Variants in INPP4B observed in about 807,000 individuals in gnomAD.
INPP4B encodes the protein inositol polyphosphate 4-phosphatase type II.
Under a neutral mutation model 122.5 loss-of-function variants are expected in INPP4B, and 55 were observed. That is an observed-to-expected ratio of 0.45 (90% CI 0.36 to 0.56). INPP4B has a LOEUF of 0.56. Ranked by LOEUF, INPP4B falls within the 20% of genes least tolerant of loss-of-function variation. INPP4B has a pLI of 0.00. For missense variants in INPP4B, 1,000 were observed against 1,097.7 expected, an observed-to-expected ratio of 0.91 and a Z score of 1.26; for synonymous variants, 403 against 388.7, an observed-to-expected ratio of 1.04 and a Z score of -0.43.
intron 1 of INPP4B, among the ~76,000 whole-genome samples, chr4:142,791,664 A>G (rs1424730805): frequency 1.3e-5 from 2 of 152,012 alleles, no homozygotes; most frequent in African/African-American, 4.8e-5. Context: ...CCTACATAAG[A>G]ATTTCCTAAT....
At chr4:142,527,266 A>C (rs1827043093) in intron 2 of INPP4B, among the ~76,000 whole-genome samples, 1 of 151,778 alleles carries the variant, frequency 6.6e-6, no homozygotes, top group Admixed American at 6.6e-5. Flanking sequence ...TAAAATATGT[A>C]TTTGTAAGTA....
chr4:142,705,572 T>G (rs1199116729), intron 2 of INPP4B, among the ~76,000 whole-genome samples: 1 of 152,032 alleles, frequency 6.6e-6, no homozygotes, highest in Non-Finnish European at 1.5e-5. Flanking sequence ...CTCGATCATA[T>G]ATTGCTTCTG....
intron 1 of INPP4B, among the ~76,000 whole-genome samples, chr4:142,811,264 C>A (rs1779484947): frequency 6.6e-6 from 1 of 152,120 alleles, no homozygotes; most frequent in African/African-American, 2.4e-5. Context: ...GAGCATAATG[C>A]AGGCAGAGGG....
chr4:142,287,387 T>C (rs1754228782), intron 9 of INPP4B: 1 of 152,192 alleles, frequency 6.6e-6, no homozygotes, highest in Non-Finnish European at 1.5e-5. Flanking sequence ...TGGGAGTTCA[T>C]AAGCGTCGGC....
intron 2 of INPP4B, among the ~76,000 whole-genome samples, chr4:142,714,153 C>A (rs1331297692): frequency 6.6e-6 from 1 of 152,074 alleles, no homozygotes; most frequent in Non-Finnish European, 1.5e-5. Context: ...CAGCATTTTC[C>A]AAAATTACCT....
At chr4:142,805,118 C>A (rs1008689427) in intron 1 of INPP4B, among the ~76,000 whole-genome samples, 3 of 152,190 alleles carry the variant, frequency 2.0e-5, no homozygotes, top group African/African-American at 7.2e-5. Flanking sequence ...ACAAGATAAT[C>A]TCTACAGACA....
intron 2 of INPP4B, among the ~76,000 whole-genome samples, chr4:142,710,613 GA>G (rs1380233939): frequency 1.2e-4 from 19 of 152,100 alleles, no homozygotes; most frequent in African/African-American, 4.3e-4. Flanking sequence ...TTCACATATT[GA>G]AAGCCACTTA....
At chr4:142,285,354 G>T (rs1344286628) in intron 9 of INPP4B, among the ~76,000 whole-genome samples, 1 of 112,618 alleles carries the variant, frequency 8.9e-6, no homozygotes. Context: ...GAAATAAGGG[G>T]AGGTGACATC....
At chr4:142,703,178 A>G in intron 2 of INPP4B, among the ~76,000 whole-genome samples, 1 of 152,190 alleles carries the variant, frequency 6.6e-6, no homozygotes, top group East Asian at 1.9e-4. Context: ...GGCCATTTTT[A>G]TCCATTAGTT....
chr4:142,123,511 T>C, intron 19 of INPP4B, 96 bp from the exon 20 acceptor site: 1 of 1,240,334 alleles, frequency 8.1e-7, no homozygotes, highest in Non-Finnish European at 1.1e-6. Flanking sequence ...ACAGATTCGA[T>C]TATCAGGTAT....
At chr4:142,046,364 A>G (rs1270249303) in intron 25 of INPP4B, among the ~76,000 whole-genome samples, 1 of 152,130 alleles carries the variant, frequency 6.6e-6, no homozygotes, top group Admixed American at 6.6e-5. Flanking sequence ...GAGCACCAGA[A>G]GTAAGTGCTG....
chr4:142,163,983 G>T (rs537634956), intron 16 of INPP4B, among the ~76,000 whole-genome samples: 3 of 151,716 alleles, frequency 2.0e-5, no homozygotes, highest in South Asian at 2.1e-4. Context: ...TAATAATATC[G>T]TGTAAAAAGA....
rs1248363270 is a variant in INPP4B at position 142,029,879 on chromosome 4, G to C, written c.2643-965C>G. The C allele has an allele frequency of 2.6e-6, 3 of 1,135,174 alleles. No homozygotes were observed. The African/African-American group carries it at 4.8e-5, about 18-fold the overall frequency. 70.3% of individuals were successfully genotyped at this position (1,135,174 alleles called of 1,614,324 possible). Reference sequence around the variant, plus strand: ...ATTCTGTTCTTTGTCTTATTCCAAAGACAGTAATTTAAAAATTCTTCTTGA... The same window carrying C: ...ATTCTGTTCTTTGTCTTATTCCAAACACAGTAATTTAAAAATTCTTCTTGA... On this transcript the variant is annotated intron_variant, in intron 25 of 25. Coordinates refer to ENST00000262992, the MANE Select transcript of INPP4B (RefSeq NM_001101669.3).
intron 1 of INPP4B, among the ~76,000 whole-genome samples, chr4:142,835,940 C>T (rs556532645): frequency 3.3e-5 from 5 of 152,168 alleles, no homozygotes; most frequent in Admixed American, 6.5e-5. Flanking sequence ...TTGAAGCTAA[C>T]GGGGTGCTAT....
chr4:142,608,617 G>T (rs912032631), intron 2 of INPP4B, among the ~76,000 whole-genome samples: 2 of 151,980 alleles, frequency 1.3e-5, no homozygotes, highest in African/African-American at 2.4e-5. Context: ...GGACTTCCTA[G>T]GTTACAGAAG....
intron 2 of INPP4B, among the ~76,000 whole-genome samples, chr4:142,606,721 C>A (rs1422659789): frequency 6.6e-6 from 1 of 151,966 alleles, no homozygotes; most frequent in South Asian, 2.1e-4. Context: ...CATGAGGAAG[C>A]TGCTGGCAAT....
At chr4:142,380,236 C>T (rs1374753747) in intron 7 of INPP4B, among the ~76,000 whole-genome samples, 2 of 152,278 alleles carry the variant, frequency 1.3e-5, no homozygotes, top group South Asian at 2.1e-4. Flanking sequence ...CTTCGCATTC[C>T]CTTTAAAGTT....
chr4:142,473,630 A>C (rs758659853), intron 2 of INPP4B, among the ~76,000 whole-genome samples: 9 of 152,224 alleles, frequency 5.9e-5, no homozygotes, highest in Non-Finnish European at 1.0e-4. Context: ...GCCTGAGAGC[A>C]GTAAGATTGC....
chr4:142,803,874 C>T (rs1408995216), intron 1 of INPP4B, among the ~76,000 whole-genome samples: 5 of 151,598 alleles, frequency 3.3e-5, no homozygotes, highest in Admixed American at 1.3e-4. Flanking sequence ...CTGGCCAAGA[C>T]GGTGAAATCC....
Sources: gnomAD v4.1 joint callset for allele counts (sites outside exome capture counted in the v4.1 genomes callset) on GRCh38, gnomAD v4.1.1 for gene constraint, MANE v1.5 for transcripts, NCBI Gene and HGNC (gene_info 2026-07-23, HGNC 2026-07-21) for gene names.